Variants in ROBO1 observed in about 807,000 individuals in gnomAD.
The protein encoded by ROBO1 is roundabout guidance receptor 1.
ROBO1 carries 149 observed loss-of-function variants against 195.9 expected under a neutral mutation model. That is an observed-to-expected ratio of 0.76 (90% CI 0.67 to 0.87). The LOEUF (loss-of-function observed/expected upper bound fraction) is 0.87, where lower values mean the gene tolerates loss of function less well. Among genes scored for constraint, ROBO1 ranks in the 40% least tolerant of loss-of-function variants. ROBO1 has a pLI of 0.00. For missense variants in ROBO1, 1,933 were observed against 2,068.3 expected, an observed-to-expected ratio of 0.93 and a Z score of 1.27; for synonymous variants, 816 against 733.2, an observed-to-expected ratio of 1.11 and a Z score of -1.82.
chr3:78,714,558 G>A (rs1318709369), intron 7 of ROBO1, 34 bp from the exon 8 acceptor site: 2 of 1,584,852 alleles, frequency 1.3e-6, no homozygotes, highest in Non-Finnish European at 8.6e-7. Context: ...ACAGTTAAGT[G>A]ACTTTCTACT....
chr3:79,165,984 C>A (rs1352245829), intron 2 of ROBO1, among the ~76,000 whole-genome samples: 1 of 152,158 alleles, frequency 6.6e-6, no homozygotes. Flanking sequence ...CTGTGGAGAG[C>A]AACTTCAGCC....
At chr3:78,899,515 G>A (rs1223935545) in intron 4 of ROBO1, among the ~76,000 whole-genome samples, 1 of 152,096 alleles carries the variant, frequency 6.6e-6, no homozygotes, top group South Asian at 2.1e-4. Flanking sequence ...TTTGTGTTAG[G>A]CAATGTCTAG....
chr3:79,692,100 C>A (rs749289039), intron 1 of ROBO1, among the ~76,000 whole-genome samples: 6 of 151,578 alleles, frequency 4.0e-5, no homozygotes, highest in Admixed American at 2.0e-4. Context: ...AGGGATTATC[C>A]AGAAGAAAAG....
chr3:79,510,751 A>T (rs1049755514), intron 2 of ROBO1, among the ~76,000 whole-genome samples: 5 of 152,164 alleles, frequency 3.3e-5, no homozygotes, highest in Admixed American at 3.3e-4. Flanking sequence ...TGAAAATTAT[A>T]CAAGTTATTC....
chr3:79,561,218 G>C (rs1482819895), intron 2 of ROBO1, among the ~76,000 whole-genome samples: 1 of 152,084 alleles, frequency 6.6e-6, no homozygotes, highest in South Asian at 2.1e-4. Flanking sequence ...TTATCCTTAA[G>C]TAGTTTTGAA....
chr3:79,115,694 G>T (rs1203146732), intron 3 of ROBO1, among the ~76,000 whole-genome samples: 1 of 152,112 alleles, frequency 6.6e-6, no homozygotes, highest in Non-Finnish European at 1.5e-5. Flanking sequence ...CAAGTTTGTG[G>T]CCAAATAATT....
intron 3 of ROBO1, among the ~76,000 whole-genome samples, chr3:78,989,795 C>CA (rs979783793): frequency 1.3e-3 from 199 of 151,754 alleles, no homozygotes; most frequent in African/African-American, 4.5e-3. Flanking sequence ...TAATTTACTT[C>CA]AAAAAAACCC....
At chr3:79,147,932 C>T (rs983747656) in intron 2 of ROBO1, among the ~76,000 whole-genome samples, 2 of 151,838 alleles carry the variant, frequency 1.3e-5, no homozygotes, top group Non-Finnish European at 2.9e-5. Context: ...TCTTTCCATG[C>T]CTGCTTATAG....
In ROBO1 at chr3:79,589,316, C is replaced by T. The variant is rs528252564; in HGVS notation, c.88+508G>A. ...TGACTTCAAGGAAATAGGTTTCTAACTTCACCCAAAACAGTGGTAACTATG... is the reference window on the plus strand; with the variant it reads ...TGACTTCAAGGAAATAGGTTTCTAATTTCACCCAAAACAGTGGTAACTATG... On this transcript the variant is annotated intron_variant, in intron 2 of 30. Coordinates refer to ENST00000464233, the MANE Select transcript of ROBO1 (RefSeq NM_002941.4). 2.3e-3 allele frequency among the ~76,000 whole-genome samples: 347 copies of T among 151,794 alleles called. 2 individuals carry two copies. Among genetic ancestry groups the T allele is most frequent in the African/African-American group, 8.0e-3 (331 of 41,496 alleles).
chr3:78,846,045 T>A (rs937904468), intron 4 of ROBO1, among the ~76,000 whole-genome samples: 1 of 150,632 alleles, frequency 6.6e-6, no homozygotes, highest in Admixed American at 7.0e-5. Flanking sequence ...CCCCAAAGAT[T>A]TTTTTTTTCC....
intron 3 of ROBO1, among the ~76,000 whole-genome samples, chr3:79,062,002 G>A (rs2078926911): frequency 6.6e-6 from 1 of 152,018 alleles, no homozygotes; most frequent in Admixed American, 6.6e-5. Context: ...AGACAAATGG[G>A]ATCTCATTAA....
At chr3:78,995,386 C>A (rs984653457) in intron 3 of ROBO1, among the ~76,000 whole-genome samples, 2 of 152,068 alleles carry the variant, frequency 1.3e-5, no homozygotes, top group Non-Finnish European at 2.9e-5. Flanking sequence ...TGGAACCGAG[C>A]AACACAGAGC....
intron 4 of ROBO1, among the ~76,000 whole-genome samples, chr3:78,886,638 A>G (rs1384333488): frequency 6.6e-6 from 1 of 152,144 alleles, no homozygotes; most frequent in Non-Finnish European, 1.5e-5. Flanking sequence ...TTATGTTACC[A>G]GAGTAAAGAA....
chr3:78,830,344 C>T (rs894691318), intron 4 of ROBO1, among the ~76,000 whole-genome samples: 1 of 152,176 alleles, frequency 6.6e-6, no homozygotes, highest in Admixed American at 6.5e-5. Flanking sequence ...ATGTTGCATA[C>T]TCCTGTGATG....
At chr3:78,811,430 C>A (rs1394780711) in intron 4 of ROBO1, among the ~76,000 whole-genome samples, 1 of 152,152 alleles carries the variant, frequency 6.6e-6, no homozygotes, top group Non-Finnish European at 1.5e-5. Flanking sequence ...AGCCAACTAA[C>A]AAAGCATAGT....
chr3:78,821,367 T>C (rs6805432), intron 4 of ROBO1, among the ~76,000 whole-genome samples: 40,162 of 151,588 alleles, frequency 0.26, 5,498 homozygotes, highest in Non-Finnish European at 0.28. Flanking sequence ...GGTTTCACCA[T>C]GTTGGCCAGG....
intron 2 of ROBO1, among the ~76,000 whole-genome samples, chr3:79,381,060 G>T (rs1285025574): frequency 2.6e-5 from 4 of 152,056 alleles, no homozygotes; most frequent in African/African-American, 4.8e-5. Flanking sequence ...TCTAGACTTT[G>T]GTAAAATAAG....
intron 3 of ROBO1, among the ~76,000 whole-genome samples, chr3:79,051,109 T>C (rs955133254): frequency 6.6e-5 from 10 of 151,844 alleles, no homozygotes; most frequent in African/African-American, 2.4e-4. Flanking sequence ...AAAAAATCAA[T>C]GAATCCAGGA....
At chr3:79,726,150 G>A (rs185311322) in intron 1 of ROBO1, among the ~76,000 whole-genome samples, 1 of 152,164 alleles carries the variant, frequency 6.6e-6, no homozygotes, top group African/African-American at 2.4e-5. Context: ...TTGCACTGTT[G>A]TCATTCTAGT....
Sources: gnomAD v4.1 joint callset for allele counts (sites outside exome capture counted in the v4.1 genomes callset) on GRCh38, gnomAD v4.1.1 for gene constraint, MANE v1.5 for transcripts, NCBI Gene and HGNC (gene_info 2026-07-23, HGNC 2026-07-21) for gene names.